The following SCMH1 variants were observed in gnomAD, a reference collection of about 807,000 sequenced individuals.
The protein encoded by SCMH1 is Scm polycomb group protein homolog 1, also known as polycomb protein SCMH1.
In SCMH1, 37 loss-of-function variants were observed where a neutral mutation model predicts 70.8. The ratio of observed to expected loss-of-function variants is 0.52; its 90% CI spans 0.40 to 0.69. SCMH1 has a LOEUF of 0.69. Ranked by LOEUF, SCMH1 falls within the 30% of genes least tolerant of loss-of-function variation. The pLI, the probability that SCMH1 is intolerant of heterozygous loss-of-function variation, is 0.00. For synonymous variants in SCMH1, 292 were observed against 307.4 expected, an observed-to-expected ratio of 0.95 and a Z score of 0.52; for missense variants, 607 against 827.3, an observed-to-expected ratio of 0.73 and a Z score of 3.27.
intron 1 of SCMH1, among the ~76,000 whole-genome samples, chr1:41,201,452 T>C (rs1374865593): frequency 6.6e-6 from 1 of 152,210 alleles, no homozygotes; most frequent in Non-Finnish European, 1.5e-5. Flanking sequence ...GGTCCTACAT[T>C]TACTGCAAAC....
At chr1:41,108,890 C>G (rs1668617912) in intron 8 of SCMH1, among the ~76,000 whole-genome samples, 1 of 152,206 alleles carries the variant, frequency 6.6e-6, no homozygotes, top group Admixed American at 6.5e-5. Flanking sequence ...ATGACTTGCT[C>G]AATGACGTAA....
At chr1:41,132,144 A>G (rs966735195) in intron 6 of SCMH1, among the ~76,000 whole-genome samples, 2 of 152,220 alleles carry the variant, frequency 1.3e-5, no homozygotes, top group Non-Finnish European at 2.9e-5. Flanking sequence ...CAATGGGTGA[A>G]CTAATTTACA....
intron 2 of SCMH1, among the ~76,000 whole-genome samples, chr1:41,173,420 C>G (rs975173790): frequency 1.3e-5 from 2 of 152,148 alleles, no homozygotes; most frequent in Non-Finnish European, 2.9e-5. Flanking sequence ...AATGAAATAT[C>G]ATCTTACCCT....
At chr1:41,091,287 C>T (rs145262302) in intron 8 of SCMH1, among the ~76,000 whole-genome samples, 2 of 152,292 alleles carry the variant, frequency 1.3e-5, no homozygotes, top group African/African-American at 2.4e-5. Flanking sequence ...ATAAAAACCA[C>T]ATGATTATCT....
chr1:41,221,296 G>T (rs1035133288), intron 1 of SCMH1, among the ~76,000 whole-genome samples: 1 of 152,058 alleles, frequency 6.6e-6, no homozygotes, highest in Non-Finnish European at 1.5e-5. Context: ...GTTTTAATTG[G>T]GGAAGATGAA....
intron 8 of SCMH1, among the ~76,000 whole-genome samples, chr1:41,082,195 A>C (rs1571905831): frequency 6.6e-6 from 1 of 152,320 alleles, no homozygotes; most frequent in African/African-American, 2.4e-5. Flanking sequence ...CCTCATTAAA[A>C]CAAAATATTT....
intron 6 of SCMH1, among the ~76,000 whole-genome samples, chr1:41,129,493 G>T (rs213755): frequency 0.85 from 129,411 of 152,184 alleles, 55,524 homozygotes; most frequent in East Asian, 0.97. Flanking sequence ...TTAGCATGTC[G>T]TCGAGGTTCA....
intron 10 of SCMH1, among the ~76,000 whole-genome samples, chr1:41,056,081 G>C (rs1650174212): frequency 6.6e-6 from 1 of 152,212 alleles, no homozygotes; most frequent in South Asian, 2.1e-4. Context: ...TCTAGGCTCT[G>C]TGACTGATTG....
intron 12 of SCMH1, among the ~76,000 whole-genome samples, chr1:41,040,693 C>T (rs189108872): frequency 1.6e-4 from 25 of 151,896 alleles, no homozygotes; most frequent in African/African-American, 6.0e-4. Flanking sequence ...GGAGAAACCC[C>T]GTCTCTACTA....
chr1:41,072,781 G>A (rs762541508), intron 9 of SCMH1, among the ~76,000 whole-genome samples: 3 of 152,192 alleles, frequency 2.0e-5, no homozygotes, highest in African/African-American at 7.2e-5. Flanking sequence ...TGGGAGGATC[G>A]CTTGAGCCCA....
chr1:41,040,370 C>CT (rs1645967261), intron 12 of SCMH1, among the ~76,000 whole-genome samples: 1 of 152,048 alleles, frequency 6.6e-6, no homozygotes, highest in South Asian at 2.1e-4. Context: ...GGAGGATGAT[C>CT]AGAGTGGTGG....
chr1:41,199,453 A>G (rs1653783702), intron 1 of SCMH1, among the ~76,000 whole-genome samples: 1 of 152,208 alleles, frequency 6.6e-6, no homozygotes, highest in East Asian at 1.9e-4. Flanking sequence ...TGTGAGAGTC[A>G]TCCACTGTGC....
chr1:41,032,632 C>A (rs1475972207), intron 13 of SCMH1, among the ~76,000 whole-genome samples: 2 of 152,134 alleles, frequency 1.3e-5, no homozygotes, highest in Non-Finnish European at 2.9e-5. Context: ...AAGGATCACT[C>A]TCATTGTCTA....
intron 1 of SCMH1, among the ~76,000 whole-genome samples, chr1:41,224,406 T>C (rs1659876344): frequency 6.6e-6 from 1 of 152,202 alleles, no homozygotes; most frequent in Non-Finnish European, 1.5e-5. Context: ...TTATTGTATC[T>C]CCATTTTCCC....
At chr1:41,052,917 C>CTTTTTT (rs113009874) in intron 10 of SCMH1, among the ~76,000 whole-genome samples, 8 of 134,798 alleles carry the variant, frequency 5.9e-5, no homozygotes, top group African/African-American at 1.1e-4. Context: ...AAATTGTAGG[C>CTTTTTT]TTTTTTTTTT....
At chr1:41,219,373 C>A (rs982193120) in intron 1 of SCMH1, among the ~76,000 whole-genome samples, 5 of 152,120 alleles carry the variant, frequency 3.3e-5, no homozygotes, top group African/African-American at 1.2e-4. Context: ...TCATGGGAAC[C>A]CCTCAGATTT....
At chr1:41,110,592 G>C (rs1048613821) in intron 8 of SCMH1, among the ~76,000 whole-genome samples, 1 of 152,140 alleles carries the variant, frequency 6.6e-6, no homozygotes, top group African/African-American at 2.4e-5. Flanking sequence ...TTATTAAGAT[G>C]CATCTATACT....
intron 6 of SCMH1, among the ~76,000 whole-genome samples, chr1:41,124,613 ATTTATTTAT>A (rs1364204310): frequency 6.6e-6 from 1 of 151,468 alleles, no homozygotes; most frequent in African/African-American, 2.4e-5. Context: ...TTATTTATTT[ATTTATTTAT>A]TTTGAGACAG....
intron 1 of SCMH1, 137 bp from the exon 2 acceptor site, chr1:41,186,387 A>T: frequency 2.9e-6 from 1 of 339,696 alleles, no homozygotes; most frequent in Non-Finnish European, 5.6e-6. Context: ...CTATTAGAAT[A>T]TCTTGGAGTT....
Sources: allele counts gnomAD v4.1 joint callset (sites outside exome capture counted in the v4.1 genomes callset), GRCh38; gene constraint gnomAD v4.1.1; transcripts MANE v1.5; gene names NCBI Gene and HGNC (gene_info 2026-07-23, HGNC 2026-07-21).